The following NLRP5 variants were observed in gnomAD, a reference collection of about 807,000 sequenced individuals.
NLRP5 encodes NLR family pyrin domain containing 5, also known as NACHT, LRR and PYD domains-containing protein 5.
Under a neutral mutation model 113.1 loss-of-function variants are expected in NLRP5, and 93 were observed. That is an observed-to-expected ratio of 0.82 (90% CI 0.70 to 0.98). The LOEUF (loss-of-function observed/expected upper bound fraction) is 0.98. NLRP5 is among the 50% of genes least tolerant of loss of function. NLRP5 has a pLI of 0.00. For missense variants in NLRP5, 1,808 were observed against 1,514.3 expected (o/e 1.19, Z -3.22); for synonymous variants, 751 against 600.7 (o/e 1.25, Z -3.66).
chr19:56,017,767 A>G (rs1982463646), intron 4 of NLRP5, among the ~76,000 whole-genome samples: 1 of 152,094 alleles, frequency 6.6e-6, no homozygotes, highest in Non-Finnish European at 1.5e-5. Flanking sequence ...ACTGTTTTCC[A>G]TATCGGTAAA....
Position 56,027,022 on chromosome 19 carries a change from G to A in NLRP5, c.789G>A (p.Met263Ile). 2 of 1,552,202 alleles carry A rather than the reference G, an allele frequency of 1.3e-6. No homozygotes were observed. The highest frequency in any genetic ancestry group is 1.2e-5 in the South Asian group (1 of 84,080). ...ACACTGCTGCTGACTGGCCGGAAATGCAAACGTTGGCTGGTGCTTTTGATT... is the reference window on the plus strand; with the variant it reads ...ACACTGCTGCTGACTGGCCGGAAATACAAACGTTGGCTGGTGCTTTTGATT... Residue 263 changes from methionine to isoleucine, a missense_variant, in exon 7 of 15, where the codon ATG becomes ATA. Physicochemically the swap from Met to Ile is conservative, Grantham distance 10. Coordinates refer to ENST00000390649, the MANE Select transcript of NLRP5 (RefSeq NM_153447.4).
chr19:56,038,312 G>C (rs1052350299), intron 10 of NLRP5, 117 bp downstream of exon 10: 3 of 1,178,534 alleles, frequency 2.5e-6, no homozygotes, highest in East Asian at 2.4e-5. Context: ...CAGGGGTGAG[G>C]AAGGAAGTTG....
chr19:56,026,554 C>G (rs1254127184), intron 6 of NLRP5, among the ~76,000 whole-genome samples: 1 of 131,848 alleles, frequency 7.6e-6, no homozygotes, highest in Non-Finnish European at 1.6e-5. Context: ...AAAAAATAGA[C>G]TGGCTTCAAA....
chr19:55,993,998 T>C, the NLRP5 span, among the ~76,000 whole-genome samples: 5 of 151,560 alleles, frequency 3.3e-5, no homozygotes, highest in Non-Finnish European at 7.4e-5. Flanking sequence ...ACCAGATCGC[T>C]GGATCATAGG....
At chr19:56,046,125 C>G (rs1210817688) in intron 11 of NLRP5, among the ~76,000 whole-genome samples, 2 of 152,118 alleles carry the variant, frequency 1.3e-5, no homozygotes, top group African/African-American at 4.8e-5. Flanking sequence ...GAAGGTATGT[C>G]CCTTGTATGC....
rs1262844117 is a variant in NLRP5, at chr19:56,028,895, G to A, written c.2276+386G>A. Reference sequence around the variant, plus strand: ...TTCTCCTGCCTCAGGCTGCCGAGGAGCTGGGACTACAGGCATGCACCACCA... The same window carrying A: ...TTCTCCTGCCTCAGGCTGCCGAGGAACTGGGACTACAGGCATGCACCACCA... On this transcript the variant is annotated intron_variant, in intron 7 of 14. Coordinates refer to ENST00000390649, the MANE Select transcript of NLRP5 (RefSeq NM_153447.4). Among the ~76,000 whole-genome samples, 3 of 152,150 alleles carry A rather than the reference G, an allele frequency of 2.0e-5. No homozygotes were observed. The East Asian group carries it at 5.8e-4, about 29-fold the overall frequency.
At chr19:55,998,690 A>ATATATATGTGTGTGTGTGTGTG (rs1981442425), upstream of NLRP5, among the ~76,000 whole-genome samples, 7 of 56,270 alleles carry the variant, frequency 1.2e-4, no homozygotes, top group African/African-American at 6.7e-4. Context: ...ATATATATAT[A>ATATATATGTGTGTGTGTGTGTG]TATATATATA....
chr19:56,016,397 C>T (rs1364839617), intron 4 of NLRP5, among the ~76,000 whole-genome samples: 4 of 152,140 alleles, frequency 2.6e-5, no homozygotes, highest in African/African-American at 4.8e-5. Flanking sequence ...AGGTGATCCA[C>T]CCACCTCAGC....
intron 4 of NLRP5, among the ~76,000 whole-genome samples, chr19:56,017,175 G>C (rs1358677737): frequency 6.6e-6 from 1 of 152,094 alleles, no homozygotes; most frequent in Admixed American, 6.6e-5. Context: ...AGTAATTTTA[G>C]CTGTCTCTTT....
intron 3 of NLRP5, among the ~76,000 whole-genome samples, chr19:56,015,127 T>G (rs1225489685): frequency 1.3e-5 from 2 of 152,218 alleles, no homozygotes; most frequent in Non-Finnish European, 2.9e-5. Context: ...CTCATTTCAT[T>G]TGTTAAATTT....
chr19:56,033,785 A>G lies in NLRP5; in HGVS notation c.2615+76A>G, dbSNP rs141873293. On this transcript the variant is annotated intron_variant, in intron 9 of 14. Transcript: ENST00000390649. Reference sequence around the variant, plus strand: ...TTTGAAATGATTACATAAAGTGGCAAAAATTAAAGAGCTGCAAAGATGGAA... The same window carrying G: ...TTTGAAATGATTACATAAAGTGGCAGAAATTAAAGAGCTGCAAAGATGGAA... The G allele has an allele frequency of 2.0e-3, 2,602 of 1,289,552 alleles. 28 individuals carry two copies. The African/African-American group carries it at 0.027, about 13-fold the overall frequency. 79.9% of individuals were successfully genotyped at this position (1,289,552 alleles called of 1,614,324 possible).
intron 9 of NLRP5, among the ~76,000 whole-genome samples, chr19:56,035,031 C>G (rs915034260): frequency 8.5e-5 from 13 of 152,180 alleles, no homozygotes; most frequent in Admixed American, 7.2e-4. Flanking sequence ...GTCCACCTCC[C>G]TGGTTCAGGC....
intron 3 of NLRP5, among the ~76,000 whole-genome samples, chr19:56,009,340 A>AAAAAAAAAAAAAAAAAAAAAAAAAAAC (rs1982089863): frequency 4.3e-5 from 1 of 23,000 alleles, no homozygotes; most frequent in Non-Finnish European, 1.0e-4. Flanking sequence ...ACTCCATCTC[A>AAAAAAAAAAAAAAAAAAAAAAAAAAAC]AAAAAAAAAA....
At chr19:56,023,801 C>G (rs1286620631) in intron 6 of NLRP5, among the ~76,000 whole-genome samples, 1 of 152,160 alleles carries the variant, frequency 6.6e-6, no homozygotes, top group Non-Finnish European at 1.5e-5. Context: ...TGGACTGATT[C>G]AGAGGATACA....
intron 11 of NLRP5, 40 bp from the exon 12 acceptor site, chr19:56,050,378 T>G: frequency 6.3e-7 from 1 of 1,591,002 alleles, no homozygotes; most frequent in South Asian, 1.1e-5. Flanking sequence ...TGCTGGGGAA[T>G]GAGCATCACG....
At position 56,053,637 on chromosome 19, in the gene NLRP5, G is replaced by A. The variant is rs753497920; in HGVS notation, c.3129-1G>A. 1.2e-6 allele frequency: 2 copies of A among 1,612,366 alleles called. No homozygotes were observed. The highest frequency in any genetic ancestry group is 2.7e-5 in the African/African-American group (2 of 74,884). The stretch of plus-strand genomic sequence containing the variant: ...CTCTCTCTATTCCCCGCCTCTTGCA[G>A]GTTGGTAAAGTGTCATCTCACCGCC... On this transcript the variant is annotated splice_acceptor_variant, in intron 12 of 14. Coordinates refer to ENST00000390649, the MANE Select transcript of NLRP5 (RefSeq NM_153447.4). LOFTEE classifies it high-confidence loss of function.
intron 6 of NLRP5, among the ~76,000 whole-genome samples, chr19:56,023,674 A>G (rs947184642): frequency 6.6e-6 from 1 of 152,194 alleles, no homozygotes; most frequent in African/African-American, 2.4e-5. Context: ...CAGCCTAGAG[A>G]TGACTTAAAC....
At chr19:56,024,273 G>C (rs1468726562) in intron 6 of NLRP5, among the ~76,000 whole-genome samples, 1 of 150,024 alleles carries the variant, frequency 6.7e-6, no homozygotes, top group Non-Finnish European at 1.5e-5. Flanking sequence ...AGGCTGAAGT[G>C]GGCGGATCAC....
At chr19:56,020,056 C>T (rs557958463) in intron 5 of NLRP5, among the ~76,000 whole-genome samples, 19 of 151,768 alleles carry the variant, frequency 1.3e-4, no homozygotes, top group Admixed American at 1.0e-3. Flanking sequence ...AAGCTGGTCT[C>T]GAACTCGTGA....
Sources: allele counts gnomAD v4.1 joint callset (sites outside exome capture counted in the v4.1 genomes callset), GRCh38; gene constraint gnomAD v4.1.1; transcripts MANE v1.5; gene names NCBI Gene and HGNC (gene_info 2026-07-23, HGNC 2026-07-21).